C8orf34: variants seen among roughly 807,000 people sequenced by gnomAD.
C8orf34 encodes uncharacterized protein C8orf34.
In C8orf34, 65 loss-of-function variants were observed where a neutral mutation model predicts 68.3. The ratio of observed to expected loss-of-function variants is 0.95; its 90% CI spans 0.78 to 1.17. The LOEUF (loss-of-function observed/expected upper bound fraction) is 1.17, where lower values mean the gene tolerates loss of function less well. C8orf34 is among the 50% of genes most tolerant of loss of function. The pLI, the probability that C8orf34 is intolerant of heterozygous loss-of-function variation, is 0.00. For missense variants in C8orf34, 664 were observed against 655.4 expected, an observed-to-expected ratio of 1.01 and a Z score of -0.14; for synonymous variants, 244 against 241.2, an observed-to-expected ratio of 1.01 and a Z score of -0.11.
intron 8 of C8orf34, among the ~76,000 whole-genome samples, chr8:68,672,301 TAAAAATCAGGTGAGC>T (rs1359217797): frequency 6.6e-6 from 1 of 152,116 alleles, no homozygotes; most frequent in Non-Finnish European, 1.5e-5. Flanking sequence ...TCATGAGAAC[TAAAAATCAGGTGAGC>T]AATCACAGTA....
At chr8:68,630,033 T>C (rs909562447) in intron 7 of C8orf34, among the ~76,000 whole-genome samples, 2 of 152,142 alleles carry the variant, frequency 1.3e-5, no homozygotes, top group Non-Finnish European at 2.9e-5. Flanking sequence ...TTCTTCTTTG[T>C]ATCAATTTAA....
At chr8:68,648,699 G>A (rs1819253278) in intron 8 of C8orf34, among the ~76,000 whole-genome samples, 1 of 152,146 alleles carries the variant, frequency 6.6e-6, no homozygotes, top group Admixed American at 6.6e-5. Context: ...ACTGATACTG[G>A]CTCAGAAACT....
chr8:68,750,223 A>G (rs1822662542), intron 10 of C8orf34, among the ~76,000 whole-genome samples: 1 of 152,180 alleles, frequency 6.6e-6, no homozygotes, highest in South Asian at 2.1e-4. Context: ...ATAACCCAAC[A>G]TACATGAACT....
At chr8:68,498,682 A>G (rs1435919829) in intron 5 of C8orf34, among the ~76,000 whole-genome samples, 1 of 152,236 alleles carries the variant, frequency 6.6e-6, no homozygotes, top group East Asian at 1.9e-4. Flanking sequence ...AAAGAAATAT[A>G]TATAATGTAA....
At position 68,776,387 on chromosome 8, in the gene C8orf34, CT is replaced by C. The variant is rs769359127; in HGVS notation, c.1405-9del. On this transcript the variant is annotated splice_polypyrimidine_tract_variant and intron_variant, in intron 10 of 13. Transcript: ENST00000518698. ...CCTGACCTTTTCAACCTCTCTTCCT[CT>C]TTACTTCTAGGGAGAAGCCTCCAGT... is the stretch of plus-strand genomic sequence containing the variant. The C allele has an allele frequency of 5.9e-5, 95 of 1,609,508 alleles. No individual in the cohort carries two copies. The East Asian group carries it at 2.0e-3, about 33-fold the overall frequency.
At chr8:68,420,531 G>GCACACA (rs35400598) in intron 1 of C8orf34, among the ~76,000 whole-genome samples, 1 of 149,632 alleles carries the variant, frequency 6.7e-6, no homozygotes, top group African/African-American at 2.5e-5. Context: ...GCAACATGTG[G>GCACACA]CACACACACA....
chr8:68,765,413 C>T (rs990727629), intron 10 of C8orf34, among the ~76,000 whole-genome samples: 1 of 152,194 alleles, frequency 6.6e-6, no homozygotes, highest in South Asian at 2.1e-4. Context: ...GACCAGCACC[C>T]ATTAAGCAAA....
chr8:68,352,447 T>C (rs1316528490), intron 1 of C8orf34, among the ~76,000 whole-genome samples: 4 of 152,098 alleles, frequency 2.6e-5, no homozygotes, highest in Non-Finnish European at 5.9e-5. Flanking sequence ...AGACATTTGC[T>C]AAACAATAAT....
chr8:68,714,547 C>T (rs1167349354), intron 9 of C8orf34, among the ~76,000 whole-genome samples: 1 of 151,820 alleles, frequency 6.6e-6, no homozygotes, highest in Non-Finnish European at 1.5e-5. Flanking sequence ...AAAAAAAATA[C>T]TTAGGAATAT....
chr8:68,721,879 G>A (rs987568922), intron 10 of C8orf34, among the ~76,000 whole-genome samples: 6 of 151,758 alleles, frequency 4.0e-5, no homozygotes, highest in Non-Finnish European at 7.4e-5. Flanking sequence ...AGAATAAATA[G>A]AAAAAACCTG....
chr8:68,767,518 C>G (rs1246797659), intron 10 of C8orf34, among the ~76,000 whole-genome samples: 1 of 152,182 alleles, frequency 6.6e-6, no homozygotes, highest in South Asian at 2.1e-4. Context: ...CTGGCTTTTA[C>G]TAACATCATA....
chr8:68,569,027 A>C (rs759507166), intron 7 of C8orf34, among the ~76,000 whole-genome samples: 9 of 152,058 alleles, frequency 5.9e-5, no homozygotes, highest in Non-Finnish European at 1.2e-4. Context: ...TTGTTTGTCA[A>C]CTCCCGTTGT....
chr8:68,806,745 T>C (rs1338853804), intron 12 of C8orf34, among the ~76,000 whole-genome samples: 1 of 152,228 alleles, frequency 6.6e-6, no homozygotes, highest in Non-Finnish European at 1.5e-5. Flanking sequence ...TGTGCCTTGT[T>C]CTCTTTTGAG....
At chr8:68,538,175 C>A (rs770589276) in intron 7 of C8orf34, among the ~76,000 whole-genome samples, 32 of 152,108 alleles carry the variant, frequency 2.1e-4, no homozygotes, top group Non-Finnish European at 4.0e-4. Flanking sequence ...TTGACACATA[C>A]CAATAACATA....
intron 1 of C8orf34, among the ~76,000 whole-genome samples, chr8:68,408,947 C>T (rs1241299580): frequency 2.0e-5 from 3 of 152,142 alleles, no homozygotes; most frequent in South Asian, 2.1e-4. Flanking sequence ...CGCCACCATA[C>T]CTGGCTAATT....
intron 1 of C8orf34, 91 bp downstream of exon 1, chr8:68,331,430 G>A: frequency 1.5e-6 from 2 of 1,365,536 alleles, no homozygotes; most frequent in Non-Finnish European, 1.0e-6. Context: ...ACCCCTCCCA[G>A]GGAAGGAGGG....
chr8:68,588,362 G>A (rs117176240), intron 7 of C8orf34, among the ~76,000 whole-genome samples: 3,413 of 152,196 alleles, frequency 0.022, 57 homozygotes, highest in Non-Finnish European at 0.033. Flanking sequence ...AGTATATAGG[G>A]TGGTGTTGAT....
intron 7 of C8orf34, among the ~76,000 whole-genome samples, chr8:68,564,554 C>T (rs527381417): frequency 9.2e-5 from 14 of 152,322 alleles, no homozygotes; most frequent in African/African-American, 3.4e-4. Context: ...AAGGCTCACC[C>T]TGGACTAGGT....
At chr8:68,483,045 C>T (rs911648341) in intron 4 of C8orf34, among the ~76,000 whole-genome samples, 5 of 152,080 alleles carry the variant, frequency 3.3e-5, no homozygotes, top group South Asian at 2.1e-4. Flanking sequence ...CTATATGAAT[C>T]GAACCTACTT....
Sources: allele counts gnomAD v4.1 joint callset (sites outside exome capture counted in the v4.1 genomes callset), GRCh38; gene constraint gnomAD v4.1.1; transcripts MANE v1.5; gene names NCBI Gene and HGNC (gene_info 2026-07-23, HGNC 2026-07-21).